Variants in MAPK8IP2 observed in about 807,000 individuals in gnomAD.
MAPK8IP2 encodes C-Jun-amino-terminal kinase-interacting protein 2.
In MAPK8IP2, 15 loss-of-function variants were observed where a neutral mutation model predicts 75.6. That is an observed-to-expected ratio of 0.20 (90% confidence interval 0.13 to 0.31). The LOEUF is 0.31. MAPK8IP2 is among the 10% of genes least tolerant of loss of function. The pLI, the probability that MAPK8IP2 is intolerant of heterozygous loss-of-function variation, is 1.00. For missense variants in MAPK8IP2, 1,089 were observed against 1,211.2 expected, an observed-to-expected ratio of 0.90 and a Z score of 1.50; for synonymous variants, 632 against 554.5, an observed-to-expected ratio of 1.14 and a Z score of -1.96.
rs943259818 is a variant in MAPK8IP2, at chr22:50,604,640, G to A, written c.1341G>A (p.Thr447=). Reference sequence around the variant, plus strand: ...GCAACCCCACGCGTGACACCATCACGCCGCTGTGGGCCGCGCCCGGCCGCG... The same window carrying A: ...GCAACCCCACGCGTGACACCATCACACCGCTGTGGGCCGCGCCCGGCCGCG... ...FLSNPTRDTI[T]PLWAAPGRAA... The change falls in exon 5 of 12, where the codon ACG becomes ACA. Residue 447 remains threonine, a synonymous_variant. Transcript: ENST00000329492. The A allele has an allele frequency of 1.3e-5, 20 of 1,516,838 alleles. No individual in the cohort carries two copies. The East Asian group carries it at 4.5e-4, about 35-fold the overall frequency. The allele number at this position is 1,516,838 out of a possible 1,614,324, so 94.0% of individuals were successfully genotyped here. A position where few individuals can be genotyped will look rare whatever the true frequency, so the allele number is the denominator to read the frequency against.
At position 50,604,699 on chromosome 22, in the gene MAPK8IP2, G is replaced by C; in HGVS notation, c.1400G>C (p.Cys467Ser). Residue 467 changes from cysteine to serine, a missense_variant, in exon 5 of 12, where the codon TGC becomes TCC. Cys to Ser is a moderately radical substitution (Grantham distance 112). Transcript: ENST00000329492. ...ARPGRACSAACSEEEDEEDDE... is the reference protein window; with the variant it reads ...ARPGRACSAASSEEEDEEDDE... ...CCGGGACGAGCCTGCTCCGCCGCCT[G>C]CTCCGAGGAGGAGGACGAAGAGGAC... is the stretch of plus-strand genomic sequence containing the variant. 6 of 1,527,052 alleles carry C rather than the reference G, an allele frequency of 3.9e-6. No individual in the cohort carries two copies. The highest frequency in any genetic ancestry group is 5.3e-6 in the Non-Finnish European group (6 of 1,139,096). The allele number at this position is 1,527,052 out of a possible 1,614,324, so 94.6% of individuals were successfully genotyped here. A position where few individuals can be genotyped will look rare whatever the true frequency, so the allele number is the denominator to read the frequency against.
At position 50,605,953 on chromosome 22, in the gene MAPK8IP2, C is replaced by G. The variant is rs1260250477; in HGVS notation, c.2124+19C>G. On this transcript the variant is annotated intron_variant, in intron 8 of 11. Coordinates refer to ENST00000329492, the MANE Select transcript of MAPK8IP2 (RefSeq NM_012324.6). ...GCAGAAGGTCAGTGTGGAGGCCGGG[C>G]AAGTGCAGGCTGAGGGTCCGCTTGG... 2 of 1,539,374 alleles carry G rather than the reference C, an allele frequency of 1.3e-6. No individual in the cohort carries two copies. Among genetic ancestry groups the G allele is most frequent in the South Asian group, 2.4e-5 (2 of 84,152 alleles).
Position 50,604,779 on chromosome 22 carries a change from A to G in MAPK8IP2, c.1480A>G (p.Thr494Ala), listed in dbSNP as rs1569065052. 3.2e-6 allele frequency: 5 copies of G among 1,545,818 alleles called. No individual in the cohort carries two copies. Among genetic ancestry groups the G allele is most frequent in the Non-Finnish European group, 3.5e-6 (4 of 1,146,108 alleles). ...TGCGGGGTCCCCCGGGGGCAGGGGCACGGGCCCCTCGGCGCCGCGGGACGC... is the reference window on the plus strand; with the variant it reads ...TGCGGGGTCCCCCGGGGGCAGGGGCGCGGGCCCCTCGGCGCCGCGGGACGC... The part of the protein sequence containing the change: ...DSAGSPGGRG[T>A]GPSAPRDASL... Residue 494 changes from threonine (T) to alanine (A), a missense_variant, in exon 5 of 12, where the codon ACG becomes GCG. Transcript: ENST00000329492.
chr22:50,609,368 G>C (rs2071106751), intron 10 of MAPK8IP2, among the ~76,000 whole-genome samples: 1 of 152,190 alleles, frequency 6.6e-6, no homozygotes, highest in Non-Finnish European at 1.5e-5. Context: ...AGGCTTCTGT[G>C]AGTTAATGGA....
chr22:50,609,148 C>T (rs117860744), intron 10 of MAPK8IP2, among the ~76,000 whole-genome samples: 9,161 of 152,220 alleles, frequency 0.06, 291 homozygotes, highest in Non-Finnish European at 0.077. Context: ...GTGAGGTGAA[C>T]GATGAACTCG....
At position 50,603,209 on chromosome 22, in the gene MAPK8IP2, C is replaced by T; in HGVS notation, c.172-14C>T. 6.2e-7 allele frequency: 1 copy of T among 1,612,222 alleles called. No homozygotes were observed. The highest frequency in any genetic ancestry group is 1.3e-5 in the African/African-American group (1 of 75,032). ...CCCTCTGGCCCAGCCCTGCTATCTC[C>T]CTCCGTCCTGCAGGACAGCCTCTCC... On this transcript the variant is annotated splice_polypyrimidine_tract_variant and intron_variant, in intron 2 of 11. Coordinates refer to ENST00000329492, the MANE Select transcript of MAPK8IP2 (RefSeq NM_012324.6).
chr22:50,601,705 C>T (rs9616878), intron 1 of MAPK8IP2, 84 bp from the exon 2 acceptor site: 5 of 968,758 alleles, frequency 5.2e-6, no homozygotes, highest in East Asian at 2.4e-5. Context: ...TAGGAGCTGA[C>T]GCCTCCCTCT....
At position 50,604,197 on chromosome 22, in the gene MAPK8IP2, G is replaced by A. The variant is rs759901725; in HGVS notation, c.898G>A (p.Ala300Thr). The A allele has an allele frequency of 1.3e-6, 2 of 1,544,408 alleles. No individual in the cohort carries two copies. The highest frequency in any genetic ancestry group is 1.2e-5 in the South Asian group (1 of 84,732). The stretch of plus-strand genomic sequence containing the variant: ...GCACCTCACCAACTCCATCGAGGAG[G>A]CCTCGTCGCCCGCCTCGGAGCCGGA... The part of the protein sequence containing the change: ...SSHLTNSIEE[A>T]SSPASEPEPP... Residue 300 changes from alanine (A) to threonine (T), a missense_variant, in exon 5 of 12, where the codon GCC (alanine) becomes ACC (threonine). This residue lies in a region of MAPK8IP2 where 960 missense variants were observed against 1,009.6 expected (regional missense o/e 0.95). Transcript: ENST00000329492.
chr22:50,605,117 C>G, intron 5 of MAPK8IP2, 53 bp downstream of exon 5: 1 of 1,595,802 alleles, frequency 6.3e-7, no homozygotes, highest in Non-Finnish European at 8.6e-7. Flanking sequence ...TGCAGACTCC[C>G]TGGCCCCAGT....
chr22:50,610,939 C>T lies in MAPK8IP2; in HGVS notation c.*160C>T. On this transcript the variant is annotated 3_prime_UTR_variant, in exon 12 of 12. Coordinates refer to ENST00000329492, the MANE Select transcript of MAPK8IP2 (RefSeq NM_012324.6). The surrounding 1 kb of genome is among the most constrained non-coding windows in gnomAD (Gnocchi z 4.3). Reference sequence around the variant, plus strand: ...GCTGGGAACTCTCGTCCTCGGTCCCCAGGGCGCAGCTGTTGGGGCTGCGGG... The same window carrying T: ...GCTGGGAACTCTCGTCCTCGGTCCCTAGGGCGCAGCTGTTGGGGCTGCGGG... The T allele has an allele frequency of 3.3e-6, 2 of 608,242 alleles. No homozygotes were observed. Among genetic ancestry groups the T allele is most frequent in the Non-Finnish European group, 5.7e-6 (2 of 351,036 alleles). The allele number at this position is 608,242 out of a possible 1,614,324, so 37.7% of individuals were successfully genotyped here. A position where few individuals can be genotyped will look rare whatever the true frequency, so the allele number is the denominator to read the frequency against.
rs530843183 is a variant in MAPK8IP2, at chr22:50,605,833, C to A, written c.2023C>A (p.Arg675=). Residue 675 remains arginine, a synonymous_variant, in exon 8 of 12, where the codon CGG becomes AGG. Transcript: ENST00000329492. ...TGTGCCCCGCTCCCCAGGGAGTAAGCGGAGCCCCTGCTGGGTGGAGCGCTT... is the reference window on the plus strand; with the variant it reads ...TGTGCCCCGCTCCCCAGGGAGTAAGAGGAGCCCCTGCTGGGTGGAGCGCTT... The part of the protein sequence containing the change: ...GPAKDLLGSK[R]SPCWVERFDV... 3.1e-6 allele frequency: 5 copies of A among 1,587,940 alleles called. No individual in the cohort carries two copies. In the African/African-American group the frequency reaches 6.7e-5, roughly 21 times the overall value.
intron 10 of MAPK8IP2, chr22:50,609,688 G>C (rs754946381): frequency 4.1e-6 from 2 of 482,964 alleles, no homozygotes; most frequent in South Asian, 3.0e-5. Context: ...TGTCTGGGTG[G>C]AGGAGCTGGG....
rs1200667589 is a variant in MAPK8IP2, at chr22:50,606,684, C to T, written c.2151C>T (p.Val717=). 1 of 1,598,006 alleles carries T rather than the reference C, an allele frequency of 6.3e-7. No individual in the cohort carries two copies. The highest frequency in any genetic ancestry group is 1.7e-5 in the Admixed American group (1 of 57,676). Residue 717 remains valine, a synonymous_variant, in exon 9 of 12, where the codon GTC becomes GTT. Transcript: ENST00000329492. ...TTGCCACTGCCCGGAAACTGACCGT[C>T]CACCTGCGCCCTCCTGCCTCCTGTG... ...QKIATARKLT[V]HLRPPASCDL...
Position 50,612,226 on chromosome 22 carries a change from A to T in MAPK8IP2, c.*1447A>T, listed in dbSNP as rs1335554326. ...AGATCTTAAAATGGATATTTAAAAA[A>T]TTCTCCAGAGAAAGCCAGAAGAAAA... On this transcript the variant is annotated 3_prime_UTR_variant, in exon 12 of 12. Coordinates refer to ENST00000329492, the MANE Select transcript of MAPK8IP2 (RefSeq NM_012324.6). 2 of 152,192 alleles carry T rather than the reference A, an allele frequency of 1.3e-5. No individual in the cohort carries two copies. Among genetic ancestry groups the T allele is most frequent in the Non-Finnish European group, 2.9e-5 (2 of 68,042 alleles). The allele number at this position is 152,192 out of a possible 1,614,324, so 9.4% of individuals were successfully genotyped here.
At position 50,607,109 on chromosome 22, in the gene MAPK8IP2, C is replaced by T. The variant is rs1188401710; in HGVS notation, c.2303+118C>T. On this transcript the variant is annotated intron_variant, in intron 10 of 11. Coordinates refer to ENST00000329492, the MANE Select transcript of MAPK8IP2 (RefSeq NM_012324.6). The surrounding 1 kb of genome is among the most constrained non-coding windows in gnomAD (Gnocchi z 5.6). The stretch of plus-strand genomic sequence containing the variant: ...CCCGTGCCCAGCCCTGAGAGCTCCA[C>T]CTGCACCCACTTAGCTCTGTGAGCT... 3.9e-6 allele frequency: 3 copies of T among 771,548 alleles called. No homozygotes were observed. The highest frequency in any genetic ancestry group is 3.4e-5 in the African/African-American group (2 of 58,914). 47.8% of individuals were successfully genotyped at this position (771,548 alleles called of 1,614,324 possible). A position where few individuals can be genotyped will look rare whatever the true frequency, so the allele number is the denominator to read the frequency against.
chr22:50,612,621 C>G lies in MAPK8IP2; in HGVS notation c.*1842C>G, dbSNP rs557070588. 1 of 152,308 alleles carries G rather than the reference C, an allele frequency of 6.6e-6. No individual in the cohort carries two copies. The highest frequency in any genetic ancestry group is 1.5e-5 in the Non-Finnish European group (1 of 68,076). 9.4% of individuals were successfully genotyped at this position (152,308 alleles called of 1,614,324 possible). On this transcript the variant is annotated 3_prime_UTR_variant, in exon 12 of 12. Coordinates refer to ENST00000329492, the MANE Select transcript of MAPK8IP2 (RefSeq NM_012324.6). Reference sequence around the variant, plus strand: ...AGACCGAGGACGCAGACCAGTGGCACGACGGAAACGCAGAACGTTTATGAG... The same window carrying G: ...AGACCGAGGACGCAGACCAGTGGCAGGACGGAAACGCAGAACGTTTATGAG...
In MAPK8IP2 at chr22:50,611,052, T is replaced by A; in HGVS notation, c.*273T>A. On this transcript the variant is annotated 3_prime_UTR_variant, in exon 12 of 12. Transcript: ENST00000329492. The surrounding 1 kb of genome is among the most constrained non-coding windows in gnomAD (Gnocchi z 5.5). ...CCTTCCCTTCCCAGTCTCCCTTTTC[T>A]CTCTCCTGGTGTCTCTGCCCCTCTC... 1.1e-5 allele frequency: 5 copies of A among 445,896 alleles called. No homozygotes were observed. The highest frequency in any genetic ancestry group is 1.6e-5 in the Non-Finnish European group (4 of 248,390). The allele number at this position is 445,896 out of a possible 1,614,324, so 27.6% of individuals were successfully genotyped here.
In MAPK8IP2 at chr22:50,605,355, C is replaced by T. The variant is rs770678878; in HGVS notation, c.1766-13C>T. On this transcript the variant is annotated splice_polypyrimidine_tract_variant and intron_variant, in intron 5 of 11. Transcript: ENST00000329492. ...CCCTGTCTCCCCCGCCTCTGTCCTG[C>T]CGGGTCTCCCAGGCACCGAGTCCTT... The T allele has an allele frequency of 1.2e-6, 2 of 1,612,448 alleles. No individual in the cohort carries two copies. The highest frequency in any genetic ancestry group is 1.7e-4 in the Middle Eastern group (1 of 6,056).
At chr22:50,606,150 C>T (rs1220951081) in intron 8 of MAPK8IP2, among the ~76,000 whole-genome samples, 2 of 152,172 alleles carry the variant, frequency 1.3e-5, no homozygotes, top group Non-Finnish European at 2.9e-5. Context: ...AGCAGCTGTC[C>T]CTCATCACCT....
Sources: allele counts gnomAD v4.1 joint callset (sites outside exome capture counted in the v4.1 genomes callset), GRCh38; gene constraint gnomAD v4.1.1; regional missense constraint gnomAD v4.1.1; non-coding constraint Gnocchi (gnomAD v3.1); transcripts MANE v1.5; gene names NCBI Gene and HGNC (gene_info 2026-07-23, HGNC 2026-07-21).